The following XKR9 variants were observed in gnomAD, a reference collection of about 807,000 sequenced individuals.
XKR9 encodes XK related 9, also known as XK-related protein 9.
XKR9 carries 32 observed loss-of-function variants against 32.0 expected under a neutral mutation model. The ratio of observed to expected loss-of-function variants is 1.00; its 90% CI spans 0.76 to 1.34. The LOEUF (loss-of-function observed/expected upper bound fraction) is 1.34. Ranked by LOEUF, XKR9 falls within the 40% of genes most tolerant of loss-of-function variation. The pLI is 0.00. For synonymous variants in XKR9, 168 were observed against 143.4 expected, an observed-to-expected ratio of 1.17 and a Z score of -1.22; for missense variants, 546 against 429.7, an observed-to-expected ratio of 1.27 and a Z score of -2.39.
At chr8:70,762,008 A>G (rs1807315745) in intron 2 of XKR9, among the ~76,000 whole-genome samples, 4 of 152,006 alleles carry the variant, frequency 2.6e-5, no homozygotes, top group Non-Finnish European at 5.9e-5. Context: ...AGATAGTTGT[A>G]GGCGTGCGGT....
chr8:71,016,107 A>T, the XKR9 span, among the ~76,000 whole-genome samples: 1 of 151,950 alleles, frequency 6.6e-6, no homozygotes, highest in Non-Finnish European at 1.5e-5. Context: ...TTTGTATAGG[A>T]GATATGTTTG....
chr8:70,971,569 C>G, the XKR9 span, among the ~76,000 whole-genome samples: 1 of 151,944 alleles, frequency 6.6e-6, no homozygotes, highest in Non-Finnish European at 1.5e-5. Context: ...TTCTGATGTT[C>G]TCTTCTAGAA....
At chr8:70,855,053 G>C in the XKR9 span, among the ~76,000 whole-genome samples, 1 of 152,048 alleles carries the variant, frequency 6.6e-6, no homozygotes, top group Admixed American at 6.6e-5. Context: ...TTCCAATTCT[G>C]TGAAGAAAGT....
At chr8:70,944,766 GAGA>G in the XKR9 span, among the ~76,000 whole-genome samples, 1 of 152,196 alleles carries the variant, frequency 6.6e-6, no homozygotes, top group Non-Finnish European at 1.5e-5. Flanking sequence ...CAGTTTAATG[GAGA>G]AGATCATACA....
downstream of XKR9, among the ~76,000 whole-genome samples, chr8:70,793,732 C>A (rs2130275340): frequency 6.6e-6 from 1 of 152,048 alleles, no homozygotes; most frequent in Admixed American, 6.6e-5. Flanking sequence ...TATGTCAGTT[C>A]CACACTGTCT....
the XKR9 span, among the ~76,000 whole-genome samples, chr8:70,920,442 A>T: frequency 1.3e-5 from 2 of 152,124 alleles, no homozygotes; most frequent in South Asian, 4.1e-4. Context: ...AAGTAAACAA[A>T]TTTTTAAAAG....
chr8:70,818,378 T>C, the XKR9 span, among the ~76,000 whole-genome samples: 1 of 152,194 alleles, frequency 6.6e-6, no homozygotes, highest in African/African-American at 2.4e-5. Flanking sequence ...TTATCTTAGC[T>C]TATAATTACA....
chr8:70,819,633 A>G, the XKR9 span, among the ~76,000 whole-genome samples: 2 of 152,192 alleles, frequency 1.3e-5, no homozygotes, highest in Non-Finnish European at 2.9e-5. Flanking sequence ...AGCTGTTTTA[A>G]CCTATAGGGT....
chr8:70,895,484 T>C, the XKR9 span, among the ~76,000 whole-genome samples: 2 of 152,204 alleles, frequency 1.3e-5, no homozygotes, highest in Non-Finnish European at 2.9e-5. Context: ...ATTTATACAA[T>C]TTTAAGAATC....
At chr8:70,797,526 C>T in the XKR9 span, among the ~76,000 whole-genome samples, 2 of 152,080 alleles carry the variant, frequency 1.3e-5, no homozygotes, top group Non-Finnish European at 2.9e-5. Context: ...TAACTTTTAG[C>T]AGCCCTTGGT....
the XKR9 span, among the ~76,000 whole-genome samples, chr8:70,972,250 A>C: frequency 6.6e-6 from 1 of 151,866 alleles, no homozygotes; most frequent in African/African-American, 2.4e-5. Context: ...TGAGTTCTTT[A>C]TTTGATTCTC....
At chr8:70,930,721 AG>A in the XKR9 span, among the ~76,000 whole-genome samples, 9 of 152,168 alleles carry the variant, frequency 5.9e-5, no homozygotes, top group African/African-American at 2.2e-4. Context: ...GCCTAGTTAA[AG>A]GTTCATGGCG....
At chr8:70,877,259 C>T in the XKR9 span, among the ~76,000 whole-genome samples, 2 of 152,114 alleles carry the variant, frequency 1.3e-5, no homozygotes, top group Non-Finnish European at 2.9e-5. Context: ...CTGGTCCCAC[C>T]CTTGACACAT....
chr8:70,703,774 G>T (rs192661249), intron 3 of XKR9, among the ~76,000 whole-genome samples: 7 of 152,266 alleles, frequency 4.6e-5, no homozygotes, highest in Admixed American at 4.6e-4. Flanking sequence ...ACTGGAAGCT[G>T]GTGGCTTTTT....
chr8:70,983,334 A>G, the XKR9 span, among the ~76,000 whole-genome samples: 1 of 152,084 alleles, frequency 6.6e-6, no homozygotes, highest in African/African-American at 2.4e-5. Context: ...CTTTCCATTC[A>G]TAACCGTCTG....
At position 70,734,294 on chromosome 8, in the gene XKR9, T is replaced by C. The variant is rs1414155474; in HGVS notation, c.992T>C (p.Leu331Pro). 1 of 1,612,608 alleles carries C rather than the reference T, an allele frequency of 6.2e-7. No individual in the cohort carries two copies. The highest frequency in any genetic ancestry group is 1.3e-5 in the African/African-American group (1 of 74,878). ...ISITIVLTLL[L>P]GILFLIVYYG... Reference sequence around the variant, plus strand: ...ATAACTATAGTTCTTACTCTTCTTCTTGGAATTCTTTTTCTTATTGTTTAT... The same window carrying C: ...ATAACTATAGTTCTTACTCTTCTTCCTGGAATTCTTTTTCTTATTGTTTAT... The change falls in exon 5 of 5, where the codon CTT (leucine) becomes CCT (proline). Residue 331 changes from leucine to proline, a missense_variant. Leu to Pro is a moderately conservative substitution (Grantham distance 98). Transcript: ENST00000408926.
chr8:71,022,494 T>C, the XKR9 span, among the ~76,000 whole-genome samples: 1 of 152,214 alleles, frequency 6.6e-6, no homozygotes, highest in East Asian at 1.9e-4. Context: ...ACACTGCTAG[T>C]ATGATGGGGT....
the XKR9 span, among the ~76,000 whole-genome samples, chr8:70,999,751 AC>A: frequency 2.6e-5 from 4 of 152,242 alleles, no homozygotes; most frequent in African/African-American, 9.6e-5. Flanking sequence ...TTTAGTGACA[AC>A]GTGATCAGTT....
the XKR9 span, among the ~76,000 whole-genome samples, chr8:70,962,279 A>G: frequency 6.6e-6 from 1 of 152,116 alleles, no homozygotes; most frequent in African/African-American, 2.4e-5. Context: ...TTACTGGGTT[A>G]TATTATGTGA....
Sources: allele counts gnomAD v4.1 joint callset (sites outside exome capture counted in the v4.1 genomes callset), GRCh38; gene constraint gnomAD v4.1.1; transcripts MANE v1.5; gene names NCBI Gene and HGNC (gene_info 2026-07-23, HGNC 2026-07-21).